Variants in KCND2 observed in about 807,000 individuals in gnomAD.
KCND2 encodes the protein potassium voltage-gated channel subfamily D member 2, also known as A-type voltage-gated potassium channel KCND2.
A neutral mutation model predicts 54.4 loss-of-function variants in KCND2; 16 were observed. That is an observed-to-expected ratio of 0.29 (90% CI 0.20 to 0.45). The LOEUF (loss-of-function observed/expected upper bound fraction) is 0.45, where lower values mean the gene tolerates loss of function less well. Ranked by LOEUF, KCND2 falls within the 20% of genes least tolerant of loss-of-function variation. KCND2 has a pLI of 1.00. For missense variants in KCND2, 486 were observed against 824.2 expected (o/e 0.59, Z 5.02); for synonymous variants, 317 against 310.7 (o/e 1.02, Z -0.21).
chr7:120,727,811 G>A (rs1353636460), intron 1 of KCND2, among the ~76,000 whole-genome samples: 2 of 152,034 alleles, frequency 1.3e-5, no homozygotes, highest in Non-Finnish European at 2.9e-5. Context: ...ATAGGAGAAA[G>A]AAGGAAAACT....
At chr7:120,342,262 A>C (rs1800250754) in intron 1 of KCND2, among the ~76,000 whole-genome samples, 1 of 152,160 alleles carries the variant, frequency 6.6e-6, no homozygotes, top group Admixed American at 6.5e-5. Flanking sequence ...GAATGGGATA[A>C]AAATAAATAA....
chr7:120,499,808 A>G (rs1802906430), intron 1 of KCND2, among the ~76,000 whole-genome samples: 1 of 152,088 alleles, frequency 6.6e-6, no homozygotes, highest in South Asian at 2.1e-4. Context: ...AATCTACTTC[A>G]TCTATCATAT....
intron 1 of KCND2, among the ~76,000 whole-genome samples, chr7:120,516,928 T>C (rs1410481496): frequency 6.6e-6 from 1 of 152,118 alleles, no homozygotes; most frequent in Non-Finnish European, 1.5e-5. Flanking sequence ...CTACATAAAA[T>C]GGTGGACATC....
At chr7:120,526,653 C>G (rs554415428) in intron 1 of KCND2, among the ~76,000 whole-genome samples, 1 of 151,968 alleles carries the variant, frequency 6.6e-6, no homozygotes, top group East Asian at 1.9e-4. Context: ...AGAAATGTAG[C>G]CTTGCAGGGA....
rs549788204 is a variant in KCND2 at position 120,706,084 on chromosome 7, G to T, written c.1116-26819G>T. ...AGGGTTAGACTGTAGGAAGACCCTG[G>T]GATGAATACATAGGAGAGGATAGTA... is the stretch of plus-strand genomic sequence containing the variant. On this transcript the variant is annotated intron_variant, in intron 1 of 5. Coordinates refer to ENST00000331113, the MANE Select transcript of KCND2 (RefSeq NM_012281.3). 4.6e-5 allele frequency among the ~76,000 whole-genome samples: 7 copies of T among 152,094 alleles called. No homozygotes were observed. In the South Asian group the frequency reaches 1.5e-3, roughly 32 times the overall value.
At chr7:120,353,081 G>T (rs370374969) in intron 1 of KCND2, among the ~76,000 whole-genome samples, 1 of 141,772 alleles carries the variant, frequency 7.1e-6, no homozygotes, top group Admixed American at 7.2e-5. Context: ...AGATAATACT[G>T]TATATGAATT....
In KCND2 at chr7:120,747,997, A is replaced by G; in HGVS notation, c.*139A>G. 3 of 713,380 alleles carry G rather than the reference A, an allele frequency of 4.2e-6. No homozygotes were observed. The South Asian group carries it at 5.0e-5, about 12-fold the overall frequency. The allele number at this position is 713,380 out of a possible 1,614,324, so 44.2% of individuals were successfully genotyped here. A position where few individuals can be genotyped will look rare whatever the true frequency, so the allele number is the denominator to read the frequency against. On this transcript the variant is annotated 3_prime_UTR_variant, in exon 6 of 6. Transcript: ENST00000331113. ...GTTGGTAGTGAAACACAAAGCTTCC[A>G]ATCTTAAGGATGTGAATAAAACCAC...
chr7:120,422,891 C>T (rs1391736332), intron 1 of KCND2, among the ~76,000 whole-genome samples: 5 of 151,228 alleles, frequency 3.3e-5, no homozygotes, highest in African/African-American at 7.3e-5. Context: ...TGTCGTTTTT[C>T]GTCTGCTTAG....
intron 1 of KCND2, among the ~76,000 whole-genome samples, chr7:120,598,129 A>G (rs1181617179): frequency 6.6e-6 from 1 of 152,078 alleles, no homozygotes; most frequent in Non-Finnish European, 1.5e-5. Flanking sequence ...AAGAACTAAG[A>G]ACAATTAATT....
At chr7:120,395,404 A>G (rs1427060266) in intron 1 of KCND2, among the ~76,000 whole-genome samples, 6 of 151,994 alleles carry the variant, frequency 3.9e-5, no homozygotes, top group Admixed American at 3.3e-4. Context: ...TGAAGAAGTA[A>G]TTTTTCCAAT....
chr7:120,741,514 G>A lies in KCND2; in HGVS notation c.1279-20G>A, dbSNP rs191400154. 3.2e-6 allele frequency: 5 copies of A among 1,549,258 alleles called. No individual in the cohort carries two copies. The highest frequency in any genetic ancestry group is 2.2e-5 in the East Asian group (1 of 44,450). On this transcript the variant is annotated intron_variant, in intron 2 of 5. Transcript: ENST00000331113. Reference sequence around the variant, plus strand: ...AACGATTTATAAATGTTAATGGGATGTTTATTTTTTCTCCTATAGAAAGCT... The same window carrying A: ...AACGATTTATAAATGTTAATGGGATATTTATTTTTTCTCCTATAGAAAGCT...
Position 120,636,209 on chromosome 7 carries a change from AATG to A in KCND2, c.1116-96689_1116-96687del, listed in dbSNP as rs553817694. Among the ~76,000 whole-genome samples, 4 of 152,256 alleles carry A rather than the reference AATG, an allele frequency of 2.6e-5. No individual in the cohort carries two copies. The East Asian group carries it at 7.7e-4, about 29-fold the overall frequency. On this transcript the variant is annotated intron_variant, in intron 1 of 5. Transcript: ENST00000331113. Reference sequence around the variant, plus strand: ...CTTATGTGTTAGAGAAGGGACATATAATGATGACCTAAAAAAACTCAGTTTGTG... The same window carrying A: ...CTTATGTGTTAGAGAAGGGACATATAATGACCTAAAAAAACTCAGTTTGTG...
intron 1 of KCND2, among the ~76,000 whole-genome samples, chr7:120,501,396 GAT>G (rs1348833081): frequency 6.6e-6 from 1 of 152,068 alleles, no homozygotes; most frequent in African/African-American, 2.4e-5. Flanking sequence ...ATGCAGAAAA[GAT>G]GAGTTGTGAT....
intron 1 of KCND2, among the ~76,000 whole-genome samples, chr7:120,317,943 A>G (rs1180449529): frequency 6.6e-6 from 1 of 152,196 alleles, no homozygotes; most frequent in Middle Eastern, 3.2e-3. Flanking sequence ...TAGATAGATA[A>G]AGTAGTAAAG....
In KCND2 at chr7:120,658,144, G is replaced by A. The variant is rs762503893; in HGVS notation, c.1116-74759G>A. ...CAGCTTCACAGGAAGAAAATTGCAC[G>A]TGGGTTCCTGATATTTCACACAAGA... On this transcript the variant is annotated intron_variant, in intron 1 of 5. Transcript: ENST00000331113. Among the ~76,000 whole-genome samples the A allele has an allele frequency of 3.9e-5, 6 of 152,112 alleles. No homozygotes were observed. In the East Asian group the frequency reaches 7.7e-4, roughly 20 times the overall value.
intron 1 of KCND2, among the ~76,000 whole-genome samples, chr7:120,332,439 A>T (rs1448254630): frequency 2.0e-5 from 3 of 152,154 alleles, no homozygotes; most frequent in Non-Finnish European, 4.4e-5. Flanking sequence ...ATGTCAAGTA[A>T]CAAAAAGTAG....
intron 1 of KCND2, among the ~76,000 whole-genome samples, chr7:120,722,282 G>A (rs1172592112): frequency 6.6e-6 from 1 of 152,126 alleles, no homozygotes; most frequent in East Asian, 1.9e-4. Context: ...TCAGTTGAGT[G>A]AGAACACCAG....
intron 1 of KCND2, among the ~76,000 whole-genome samples, chr7:120,645,599 C>A (rs1414281682): frequency 1.3e-5 from 2 of 152,146 alleles, no homozygotes; most frequent in African/African-American, 4.8e-5. Flanking sequence ...ATACAGAGTT[C>A]TGTGTTTCAT....
chr7:120,682,074 G>A lies in KCND2; in HGVS notation c.1116-50829G>A, dbSNP rs1186865674. 2.0e-5 allele frequency among the ~76,000 whole-genome samples: 3 copies of A among 151,976 alleles called. No homozygotes were observed. The East Asian group carries it at 5.8e-4, about 29-fold the overall frequency. ...GTTGATTGTCTCTTTTCAAAAACAT[G>A]CTCTCGAATACTGAGAGAACGTAAG... On this transcript the variant is annotated intron_variant, in intron 1 of 5. Transcript: ENST00000331113.
Sources: allele counts gnomAD v4.1 joint callset (sites outside exome capture counted in the v4.1 genomes callset), GRCh38; gene constraint gnomAD v4.1.1; transcripts MANE v1.5; gene names NCBI Gene and HGNC (gene_info 2026-07-23, HGNC 2026-07-21).